Variants in RIPOR2 observed in about 807,000 individuals in gnomAD.
RIPOR2 encodes rho family-interacting cell polarization regulator 2.
In RIPOR2, 39 loss-of-function variants were observed where a neutral mutation model predicts 114.5. The ratio of observed to expected loss-of-function variants is 0.34; its 90% CI spans 0.26 to 0.44. The LOEUF (loss-of-function observed/expected upper bound fraction) is 0.44. Among genes scored for constraint, RIPOR2 ranks in the 20% least tolerant of loss-of-function variants. The pLI, the probability that RIPOR2 is intolerant of heterozygous loss-of-function variation, is 1.00. For synonymous variants in RIPOR2, 445 were observed against 484.4 expected, an observed-to-expected ratio of 0.92 and a Z score of 1.07; for missense variants, 1,007 against 1,255.1, an observed-to-expected ratio of 0.80 and a Z score of 2.99.
At chr6:24,995,404 C>T (rs991233007) in intron 1 of RIPOR2, among the ~76,000 whole-genome samples, 5 of 152,182 alleles carry the variant, frequency 3.3e-5, no homozygotes, top group African/African-American at 1.2e-4. Context: ...TCCTGGGTGG[C>T]ATCACTGGGG....
chr6:24,887,690 C>A (rs114584234), intron 1 of RIPOR2, among the ~76,000 whole-genome samples: 1 of 152,152 alleles, frequency 6.6e-6, no homozygotes, highest in African/African-American at 2.4e-5. Context: ...AAGGGTCTGG[C>A]TGAGTCATTT....
intron 1 of RIPOR2, among the ~76,000 whole-genome samples, chr6:24,997,992 T>C (rs1775120455): frequency 6.6e-6 from 1 of 152,158 alleles, no homozygotes; most frequent in South Asian, 2.1e-4. Flanking sequence ...TTGGATGCAC[T>C]GGAGCAATCA....
rs113707390 is a variant in RIPOR2 at position 24,806,047 on chromosome 6, T to C, written c.*326A>G. 7.7e-3 allele frequency: 1,883 copies of C among 245,256 alleles called. 17 individuals are homozygous for C. The highest frequency in any genetic ancestry group is 0.031 in the African/African-American group (1,339 of 43,728). 15.2% of individuals were successfully genotyped at this position (245,256 alleles called of 1,614,324 possible). On this transcript the variant is annotated 3_prime_UTR_variant, in exon 22 of 22. Coordinates refer to ENST00000643898, the MANE Select transcript of RIPOR2 (RefSeq NM_001286445.3). ...TCACTGCAGCCTGAATCTTCTGGGC[T>C]CAAGCAATCCTCCCACCTTAGCCTC...
chr6:24,901,118 T>C (rs1312348477), intron 1 of RIPOR2, among the ~76,000 whole-genome samples: 2 of 152,192 alleles, frequency 1.3e-5, no homozygotes, highest in African/African-American at 4.8e-5. Context: ...ATTTTTACCA[T>C]ATGCAGAATC....
upstream of RIPOR2, chr6:25,042,041 C>T (rs537987018): frequency 4.9e-5 from 24 of 491,820 alleles, no homozygotes; most frequent in South Asian, 8.8e-5. Context: ...TTAACCCCCC[C>T]CTTTTTGTTC....
In RIPOR2 at chr6:24,968,761, A is replaced by G. The variant is rs559820383; in HGVS notation, c.76+73090T>C. Reference sequence around the variant, plus strand: ...CATTCCTTAAATTCTGTGCCCTAGCATCTTCCTGGCCTCACTTCAGTCCCT... The same window carrying G: ...CATTCCTTAAATTCTGTGCCCTAGCGTCTTCCTGGCCTCACTTCAGTCCCT... On this transcript the variant is annotated intron_variant, in intron 1 of 13. Transcript: ENST00000510784. 1.1e-4 allele frequency among the ~76,000 whole-genome samples: 17 copies of G among 152,278 alleles called. No individual in the cohort carries two copies. In the South Asian group the frequency reaches 1.9e-3, roughly 17 times the overall value.
Position 24,924,623 on chromosome 6 carries a change from T to C in RIPOR2, c.61+11215A>G, listed in dbSNP as rs577425436. Among the ~76,000 whole-genome samples the C allele has an allele frequency of 1.2e-4, 19 of 152,260 alleles. No individual in the cohort carries two copies. The East Asian group carries it at 3.7e-3, about 29-fold the overall frequency. On this transcript the variant is annotated intron_variant, in intron 1 of 21. Coordinates refer to ENST00000643898, the MANE Select transcript of RIPOR2 (RefSeq NM_001286445.3). The stretch of plus-strand genomic sequence containing the variant: ...GGTATTACAGAGCAATGTAATATAA[T>C]GACAGATATTCTCTTTAAAAGAGTA...
intron 1 of RIPOR2, among the ~76,000 whole-genome samples, chr6:24,983,994 C>G (rs2149452): frequency 0.38 from 57,649 of 151,958 alleles, 11,086 homozygotes; most frequent in South Asian, 0.44. Context: ...GACATGCTAG[C>G]TCCAAACTGA....
chr6:24,826,172 C>A (rs1253239095), intron 18 of RIPOR2, among the ~76,000 whole-genome samples: 1 of 152,058 alleles, frequency 6.6e-6, no homozygotes, highest in Non-Finnish European at 1.5e-5. Context: ...AGTGATCCAC[C>A]CGCCTTGGAC....
chr6:24,976,985 T>G (rs1774088577), intron 1 of RIPOR2: 2 of 1,529,960 alleles, frequency 1.3e-6, no homozygotes, highest in South Asian at 2.2e-5. Context: ...CGAATAAGTT[T>G]GACTTGTGTT....
At chr6:24,968,996 CT>C (rs1436330202) in intron 1 of RIPOR2, among the ~76,000 whole-genome samples, 1 of 152,152 alleles carries the variant, frequency 6.6e-6, no homozygotes, top group East Asian at 1.9e-4. Context: ...TTGCTTTTCC[CT>C]TTTTTCATGA....
At chr6:24,934,495 T>C (rs1446569113) in intron 1 of RIPOR2, among the ~76,000 whole-genome samples, 1 of 152,212 alleles carries the variant, frequency 6.6e-6, no homozygotes, top group Non-Finnish European at 1.5e-5. Context: ...ATCAAAATAT[T>C]AACCATGATT....
intron 1 of RIPOR2, among the ~76,000 whole-genome samples, chr6:24,927,258 C>CACAACT (rs1224601479): frequency 6.6e-6 from 1 of 151,688 alleles, no homozygotes. Flanking sequence ...CCACCACCAC[C>CACAACT]ACCACCACAG....
At position 25,037,422 on chromosome 6, in the gene RIPOR2, C is replaced by G. The variant is rs531753276; in HGVS notation, c.76+4429G>C. On this transcript the variant is annotated intron_variant, in intron 1 of 13. Transcript: ENST00000510784. The surrounding 1 kb of genome is among the most constrained non-coding windows in gnomAD (Gnocchi z 4.5). ...CCCTGCTGTCATCATGTAGAAGGCCCAGGCACCCACGGGCTGTTGCTGTGT... is the reference window on the plus strand; with the variant it reads ...CCCTGCTGTCATCATGTAGAAGGCCGAGGCACCCACGGGCTGTTGCTGTGT... Among the ~76,000 whole-genome samples, 2 of 152,294 alleles carry G rather than the reference C, an allele frequency of 1.3e-5. No individual in the cohort carries two copies. Among genetic ancestry groups the G allele is most frequent in the South Asian group, 4.1e-4 (2 of 4,824 alleles).
At position 25,020,357 on chromosome 6, in the gene RIPOR2, G is replaced by A. The variant is rs192432417; in HGVS notation, c.76+21494C>T. ...CTAAGCAGGATTTGAAATAAAACAT[G>A]CAGGAGCCTTCCTGAGATAGGTTAT... is the stretch of plus-strand genomic sequence containing the variant. On this transcript the variant is annotated intron_variant, in intron 1 of 13. Coordinates refer to the RIPOR2 transcript ENST00000510784. Among the ~76,000 whole-genome samples the A allele has an allele frequency of 2.6e-5, 4 of 152,354 alleles. No homozygotes were observed. The East Asian group carries it at 5.8e-4, about 22-fold the overall frequency.
At chr6:25,023,523 CG>C (rs1776432943) in intron 1 of RIPOR2, 2 of 772,492 alleles carry the variant, frequency 2.6e-6, no homozygotes, top group Non-Finnish European at 4.7e-6. Context: ...TGCCAGAAAG[CG>C]GTGTACACCA....
chr6:24,968,449 T>C (rs1178572441), intron 1 of RIPOR2, among the ~76,000 whole-genome samples: 1 of 152,186 alleles, frequency 6.6e-6, no homozygotes, highest in Non-Finnish European at 1.5e-5. Context: ...AGTCTCCAGT[T>C]GGACCACCTG....
chr6:24,984,752 A>G (rs776095392), intron 1 of RIPOR2, among the ~76,000 whole-genome samples: 2 of 152,218 alleles, frequency 1.3e-5, no homozygotes, highest in South Asian at 2.1e-4. Context: ...TATTATTTAC[A>G]TGAATTCACC....
rs1335569203 is a variant in RIPOR2 at position 24,869,194 on chromosome 6, T to C, written c.448-47A>G. On this transcript the variant is annotated intron_variant, in intron 5 of 21. Coordinates refer to ENST00000643898, the MANE Select transcript of RIPOR2 (RefSeq NM_001286445.3). Reference sequence around the variant, plus strand: ...AAAAGTACAGTCATTTATAGTTCAATTGACTTAGGCTTGTGAGAATATCTT... The same window carrying C: ...AAAAGTACAGTCATTTATAGTTCAACTGACTTAGGCTTGTGAGAATATCTT... 5 of 943,560 alleles carry C rather than the reference T, an allele frequency of 5.3e-6. No individual in the cohort carries two copies. The South Asian group carries it at 5.8e-5, about 11-fold the overall frequency. 58.4% of individuals were successfully genotyped at this position (943,560 alleles called of 1,614,324 possible). A position where few individuals can be genotyped will look rare whatever the true frequency, so the allele number is the denominator to read the frequency against.
Sources: allele counts gnomAD v4.1 joint callset (sites outside exome capture counted in the v4.1 genomes callset), GRCh38; gene constraint gnomAD v4.1.1; non-coding constraint Gnocchi (gnomAD v3.1); transcripts MANE v1.5; gene names NCBI Gene and HGNC (gene_info 2026-07-23, HGNC 2026-07-21).